Variants in COL5A1 observed in about 807,000 individuals in gnomAD.
COL5A1 encodes collagen alpha-1(V) chain.
A neutral mutation model predicts 263.7 loss-of-function variants in COL5A1; 16 were observed. The ratio of observed to expected loss-of-function variants is 0.06; its 90% CI spans 0.04 to 0.09. The LOEUF (loss-of-function observed/expected upper bound fraction) is 0.09. Ranked by LOEUF, COL5A1 falls within the 10% of genes least tolerant of loss-of-function variation. The pLI, the probability that COL5A1 is intolerant of heterozygous loss-of-function variation, is 1.00. For missense variants in COL5A1, 2,036 were observed against 2,540.5 expected (o/e 0.80, Z 4.27); for synonymous variants, 1,012 against 1,004.5 (o/e 1.01, Z -0.14).
Position 134,741,314 on chromosome 9 carries a change from C to T in COL5A1, c.1494+2506C>T, listed in dbSNP as rs1357235053. Among the ~76,000 whole-genome samples, 1 of 152,164 alleles carries T rather than the reference C, an allele frequency of 6.6e-6. No homozygotes were observed. Among genetic ancestry groups the T allele is most frequent in the Non-Finnish European group, 1.5e-5 (1 of 68,038 alleles). ...ATTTTAACACTTTTAATCTTCTATG[C>T]ACGGGGGCTTCGCAGACAAGAAGTA... On this transcript the variant is annotated intron_variant, in intron 11 of 65. Transcript: ENST00000371817. This position sits in a 1 kb window ranked among gnomAD's most constrained non-coding sequence, Gnocchi z 4.5.
rs541927760 is a variant in COL5A1 at position 134,768,276 on chromosome 9, C to G, written c.2233-134C>G. The G allele has an allele frequency of 8.9e-5, 75 of 843,910 alleles. No homozygotes were observed. The East Asian group carries it at 1.8e-3, about 20-fold the overall frequency. The allele number at this position is 843,910 out of a possible 1,614,324, so 52.3% of individuals were successfully genotyped here. A position where few individuals can be genotyped will look rare whatever the true frequency, so the allele number is the denominator to read the frequency against. ...TGGCTGCACGCCTCACAGCCAGGGACCCAGTGCCTCTGACCACACTTCTCA... is the reference window on the plus strand; with the variant it reads ...TGGCTGCACGCCTCACAGCCAGGGAGCCAGTGCCTCTGACCACACTTCTCA... On this transcript the variant is annotated intron_variant, in intron 24 of 65. Coordinates refer to ENST00000371817, the MANE Select transcript of COL5A1 (RefSeq NM_000093.5).
intron 52 of COL5A1, among the ~76,000 whole-genome samples, chr9:134,816,529 TG>T (rs1402531424): frequency 6.6e-6 from 1 of 152,230 alleles, no homozygotes; most frequent in Non-Finnish European, 1.5e-5. Flanking sequence ...GCACCCAGCC[TG>T]GCCAAGCGCG....
At chr9:134,751,896 T>C (rs560460932) in intron 13 of COL5A1, among the ~76,000 whole-genome samples, 1 of 152,296 alleles carries the variant, frequency 6.6e-6, no homozygotes, top group South Asian at 2.1e-4. Context: ...GTTTATGGGC[T>C]TGGGCCTGCC....
At chr9:134,759,608 CCA>C (rs1293763011) in intron 18 of COL5A1, among the ~76,000 whole-genome samples, 3 of 135,046 alleles carry the variant, frequency 2.2e-5, no homozygotes, top group Admixed American at 7.3e-5. Context: ...CCCCACACCC[CCA>C]CACACATATG....
intron 1 of COL5A1, chr9:134,649,683 G>C (rs1006727877): frequency 5.4e-6 from 2 of 372,490 alleles, no homozygotes; most frequent in South Asian, 4.2e-5. Flanking sequence ...CCATTACTGG[G>C]TATATACCCA....
At chr9:134,823,139 C>T (rs904178768) in intron 60 of COL5A1, 106 bp downstream of exon 60, 56 of 1,343,010 alleles carry the variant, frequency 4.2e-5, no homozygotes, top group Admixed American at 1.1e-4. Flanking sequence ...TAGCTCAGGC[C>T]CTGCTGCTCA....
chr9:134,689,828 CCGCCCCAACACA>C (rs56126779), intron 1 of COL5A1, among the ~76,000 whole-genome samples: 56,912 of 152,068 alleles, frequency 0.37, 12,968 homozygotes, highest in Non-Finnish European at 0.51. Context: ...AACTCCCAGG[CCGCCCCAACACA>C]CACCATTCTG....
intron 38 of COL5A1, 138 bp from the exon 39 acceptor site, chr9:134,802,750 A>G (rs1224387339): frequency 1.4e-6 from 1 of 716,454 alleles, no homozygotes; most frequent in African/African-American, 1.7e-5. Context: ...GAAGGCTTGC[A>G]AAGGCACTTG....
Position 134,817,163 on chromosome 9 carries a change from C to T in COL5A1, c.4176+84C>T, listed in dbSNP as rs1042285722. ...CCTCCCCGTCACCTTTGCTTGGGCC[C>T]TGGGTGCTCTAAGCTGCACTGATGA... On this transcript the variant is annotated intron_variant, in intron 53 of 65. Transcript: ENST00000371817. 2.3e-6 allele frequency: 3 copies of T among 1,289,214 alleles called. No individual in the cohort carries two copies. In the African/African-American group the frequency reaches 4.4e-5, roughly 19 times the overall value. The allele number at this position is 1,289,214 out of a possible 1,614,324, so 79.9% of individuals were successfully genotyped here. A position where few individuals can be genotyped will look rare whatever the true frequency, so the allele number is the denominator to read the frequency against.
At chr9:134,760,897 G>A (rs1300543081) in intron 18 of COL5A1, among the ~76,000 whole-genome samples, 15 of 120,518 alleles carry the variant, frequency 1.2e-4, no homozygotes, top group Middle Eastern at 8.6e-3. Context: ...ACCCACACAC[G>A]CATACACACA....
In COL5A1 at chr9:134,761,967, G is replaced by A. The variant is rs990265730; in HGVS notation, c.1978G>A (p.Asp660Asn). Residue 660 changes from aspartate (D) to asparagine (N), a missense_variant, in exon 19 of 66, where the codon GAT becomes AAT. Physicochemically the swap from Asp to Asn is conservative, Grantham distance 23 (BLOSUM62 1). Coordinates refer to ENST00000371817, the MANE Select transcript of COL5A1 (RefSeq NM_000093.5). Reference sequence around the variant, plus strand: ...CGGCCCACCAGGACCTCCGGGAGACGATGGAGAAAGGGTAGGTATTCTGCC... The same window carrying A: ...CGGCCCACCAGGACCTCCGGGAGACAATGGAGAAAGGGTAGGTATTCTGCC... ...PSGPPGPPGD[D>N]GERGDDGEVG... The A allele has an allele frequency of 4.3e-6, 7 of 1,613,404 alleles. No individual in the cohort carries two copies. Among genetic ancestry groups the A allele is most frequent in the African/African-American group, 1.3e-5 (1 of 74,914 alleles).
intron 3 of COL5A1, 116 bp from the exon 4 acceptor site, chr9:134,701,055 C>T: frequency 1.9e-6 from 2 of 1,064,470 alleles, no homozygotes; most frequent in Non-Finnish European, 2.8e-6. Flanking sequence ...TGCTCCGCCC[C>T]ACCACGATCG....
At chr9:134,768,365 A>G in intron 24 of COL5A1, 45 bp from the exon 25 acceptor site, 1 of 1,555,216 alleles carries the variant, frequency 6.4e-7, no homozygotes, top group Non-Finnish European at 8.9e-7. Flanking sequence ...AGGTCAGGTG[A>G]GCCTAGGGAG....
chr9:134,820,367 G>T (rs1449998252), intron 58 of COL5A1, 144 bp downstream of exon 58: 3 of 719,086 alleles, frequency 4.2e-6, no homozygotes, highest in Non-Finnish European at 7.4e-6. Context: ...CTTGGCAGAT[G>T]GGAACACTGA....
In COL5A1 at chr9:134,642,268, G is replaced by GTGGGC; in HGVS notation, c.81_82insTGGGC (p.Leu28TrpfsTer18). ...TGCTGCCCCCGCTGCTGCTGCTGCT[G>GTGGGC]CTGTGGGCGCCGCCTCCGAGCCGCG... On this transcript the variant is annotated frameshift_variant, in exon 1 of 66. Coordinates refer to ENST00000371817, the MANE Select transcript of COL5A1 (RefSeq NM_000093.5). LOFTEE classifies it high-confidence loss of function. This position sits in a 1 kb window ranked among gnomAD's most constrained non-coding sequence, Gnocchi z 4.5. The GTGGGC allele has an allele frequency of 1.6e-6, 2 of 1,214,856 alleles. No individual in the cohort carries two copies. Among genetic ancestry groups the GTGGGC allele is most frequent in the Middle Eastern group, 3.2e-4 (1 of 3,162 alleles). The allele number at this position is 1,214,856 out of a possible 1,614,324, so 75.3% of individuals were successfully genotyped here.
chr9:134,763,169 G>T (rs911177058), intron 19 of COL5A1, among the ~76,000 whole-genome samples: 3 of 152,208 alleles, frequency 2.0e-5, no homozygotes, highest in African/African-American at 7.2e-5. Context: ...CGGGCGGGAA[G>T]GTGCAGTGGT....
chr9:134,801,298 C>G (rs1289060528), intron 37 of COL5A1, among the ~76,000 whole-genome samples: 2 of 152,366 alleles, frequency 1.3e-5, no homozygotes, highest in African/African-American at 4.8e-5. Flanking sequence ...GCATCAGAGG[C>G]GTTCACGCCA....
rs1172288480 is a variant in COL5A1, at chr9:134,758,889, G to A, written c.1935+593G>A. On this transcript the variant is annotated intron_variant, in intron 18 of 65. Transcript: ENST00000371817. The surrounding 1 kb of genome is among the most constrained non-coding windows in gnomAD (Gnocchi z 4.1). ...TGTGGTTGTTGGAGAACACAGATGC[G>A]GCAGCTTTGGATAAACGGCAACAGC... is the stretch of plus-strand genomic sequence containing the variant. Among the ~76,000 whole-genome samples the A allele has an allele frequency of 1.3e-5, 2 of 152,130 alleles. No homozygotes were observed. Among genetic ancestry groups the A allele is most frequent in the Non-Finnish European group, 2.9e-5 (2 of 68,016 alleles).
rs1173683301 is a variant in COL5A1 at position 134,696,342 on chromosome 9, T to G, written c.278-3567T>G. Among the ~76,000 whole-genome samples, 12 of 152,064 alleles carry G rather than the reference T, an allele frequency of 7.9e-5. No homozygotes were observed. Among genetic ancestry groups the G allele is most frequent in the Non-Finnish European group, 2.9e-5 (2 of 67,972 alleles). On this transcript the variant is annotated intron_variant, in intron 2 of 65. Transcript: ENST00000371817. The surrounding 1 kb of genome is among the most constrained non-coding windows in gnomAD (Gnocchi z 4.3). ...GTGTGTGCCACCACACCCGGCTAAT[T>G]TTTTTTATATTTTTGGCAGAGACAG...
Sources: allele counts gnomAD v4.1 joint callset (sites outside exome capture counted in the v4.1 genomes callset), GRCh38; gene constraint gnomAD v4.1.1; non-coding constraint Gnocchi (gnomAD v3.1); transcripts MANE v1.5; gene names NCBI Gene and HGNC (gene_info 2026-07-23, HGNC 2026-07-21).